PGM3: variants seen among roughly 807,000 people sequenced by gnomAD.
PGM3 encodes the protein phosphoacetylglucosamine mutase.
In PGM3, 40 loss-of-function variants were observed where a neutral mutation model predicts 66.2. The ratio of observed to expected loss-of-function variants is 0.60; its 90% CI spans 0.47 to 0.79. The LOEUF (loss-of-function observed/expected upper bound fraction) is 0.79. Among genes scored for constraint, PGM3 ranks in the 30% least tolerant of loss-of-function variants. The pLI is 0.00. For synonymous variants in PGM3, 191 were observed against 224.2 expected (o/e 0.85, Z 1.32); for missense variants, 537 against 643.4 (o/e 0.83, Z 1.79).
the PGM3 span, chr6:83,151,747 T>C: frequency 2.1e-6 from 3 of 1,458,760 alleles, no homozygotes; most frequent in African/African-American, 1.4e-5. Context: ...AACTGAAGTT[T>C]CTTTCAACTC....
Position 83,166,755 on chromosome 6 carries a change from T to C in PGM3, c.*2479A>G. On this transcript the variant is annotated 3_prime_UTR_variant, in exon 13 of 13. Coordinates refer to ENST00000513973, the MANE Select transcript of PGM3 (RefSeq NM_015599.3). ...TGAGAGCACATAGAAGAAAATAAGC[T>C]GGATTTTGCATCTGCTTGACCCACT... The C allele has an allele frequency of 9.0e-7, 1 of 1,112,538 alleles. No homozygotes were observed. Among genetic ancestry groups the C allele is most frequent in the Non-Finnish European group, 1.1e-6 (1 of 913,116 alleles). 68.9% of individuals were successfully genotyped at this position (1,112,538 alleles called of 1,614,324 possible). A position where few individuals can be genotyped will look rare whatever the true frequency, so the allele number is the denominator to read the frequency against.
Position 83,182,922 on chromosome 6 carries a change from C to T in PGM3, c.514G>A (p.Gly172Ser). 1 of 1,613,910 alleles carries T rather than the reference C, an allele frequency of 6.2e-7. No individual in the cohort carries two copies. Among genetic ancestry groups the T allele is most frequent in the East Asian group, 2.2e-5 (1 of 44,870 alleles). The change falls in exon 5 of 13, where the codon GGT becomes AGT. Residue 172 changes from glycine (G) to serine (S), a missense_variant. Gly to Ser is a moderately conservative substitution (Grantham distance 56). Transcript: ENST00000513973. ...LHYMVYCRNT[G>S]GRYGKATIEG... ...ATAGTTGCCTTTCCATATCGGCCAC[C>T]CGTGTTTCGACAATACACCATGTAG...
intron 7 of PGM3, 125 bp from the exon 8 acceptor site, chr6:83,178,881 A>C: frequency 1.5e-6 from 1 of 654,002 alleles, no homozygotes. Context: ...TTATGCCAAA[A>C]ATGTCTGACT....
At chr6:83,159,785 C>T (rs904146674), downstream of PGM3, 10 of 1,614,000 alleles carry the variant, frequency 6.2e-6, no homozygotes, top group African/African-American at 6.7e-5. Flanking sequence ...AGCACTGTCT[C>T]CTGCTTACAG....
At chr6:83,192,727 G>T (rs534870489) in intron 1 of PGM3, among the ~76,000 whole-genome samples, 2 of 151,954 alleles carry the variant, frequency 1.3e-5, no homozygotes, top group East Asian at 3.9e-4. Flanking sequence ...CAGATAATAT[G>T]AGTTCATCCT....
At position 83,166,499 on chromosome 6, in the gene PGM3, T is replaced by G. The variant is rs1000433863; in HGVS notation, c.*2735A>C. The G allele has an allele frequency of 1.4e-6, 1 of 698,024 alleles. No individual in the cohort carries two copies. Among genetic ancestry groups the G allele is most frequent in the Non-Finnish European group, 2.6e-6 (1 of 384,580 alleles). The allele number at this position is 698,024 out of a possible 1,614,324, so 43.2% of individuals were successfully genotyped here. The stretch of plus-strand genomic sequence containing the variant: ...GAACTCAGAAAATCGCTAAATTTGA[T>G]TTTTGTCTAACATCATTTCCATAGT... On this transcript the variant is annotated 3_prime_UTR_variant, in exon 13 of 13. Transcript: ENST00000513973.
rs999528930 is a variant in PGM3 at position 83,168,241 on chromosome 6, T to C, written c.*993A>G. 9 of 1,490,288 alleles carry C rather than the reference T, an allele frequency of 6.0e-6. No homozygotes were observed. The African/African-American group carries it at 7.1e-5, about 12-fold the overall frequency. 92.3% of individuals were successfully genotyped at this position (1,490,288 alleles called of 1,614,324 possible). A position where few individuals can be genotyped will look rare whatever the true frequency, so the allele number is the denominator to read the frequency against. On this transcript the variant is annotated 3_prime_UTR_variant, in exon 13 of 13. Coordinates refer to ENST00000513973, the MANE Select transcript of PGM3 (RefSeq NM_015599.3). The stretch of plus-strand genomic sequence containing the variant: ...AACACACACACTGCTCTGCGTTGTA[T>C]AGTTTTTCCTTTTTTGTATGTAACA...
rs1412660668 is a variant in PGM3 at position 83,166,039 on chromosome 6, C to T, written c.*3195G>A. On this transcript the variant is annotated 3_prime_UTR_variant, in exon 13 of 13. Transcript: ENST00000513973. ...GTCCAGCCACTGAGCTGGTCATCGC[C>T]AGTTGTCGTATAAAATCCACCTTTT... is the stretch of plus-strand genomic sequence containing the variant. The T allele has an allele frequency of 1.1e-5, 3 of 278,778 alleles. No homozygotes were observed. The highest frequency in any genetic ancestry group is 4.6e-5 in the Admixed American group (1 of 21,718). 17.3% of individuals were successfully genotyped at this position (278,778 alleles called of 1,614,324 possible).
In PGM3 at chr6:83,170,577, A is replaced by C. The variant is rs1359146298; in HGVS notation, c.1366-99T>G. The C allele has an allele frequency of 1.0e-5, 9 of 900,600 alleles. No individual in the cohort carries two copies. In the Admixed American group the frequency reaches 2.1e-4, roughly 21 times the overall value. 55.8% of individuals were successfully genotyped at this position (900,600 alleles called of 1,614,324 possible). A position where few individuals can be genotyped will look rare whatever the true frequency, so the allele number is the denominator to read the frequency against. ...CTACGAAAAGTGCCAGACTAAATAT[A>C]AAATTACATTAAAACTTCTTTCTCC... On this transcript the variant is annotated intron_variant, in intron 11 of 12. Transcript: ENST00000513973.
intron 2 of PGM3, chr6:83,190,596 T>C: frequency 1.7e-6 from 1 of 578,520 alleles, no homozygotes; most frequent in Admixed American, 3.2e-5. Context: ...CTCCAAAAAA[T>C]GACAGTATCT....
In PGM3 at chr6:83,191,292, C is replaced by T. The variant is rs1441932767; in HGVS notation, c.-2-278G>A. 6 of 1,464,644 alleles carry T rather than the reference C, an allele frequency of 4.1e-6. No homozygotes were observed. The South Asian group carries it at 4.8e-5, about 12-fold the overall frequency. 90.7% of individuals were successfully genotyped at this position (1,464,644 alleles called of 1,614,324 possible). A position where few individuals can be genotyped will look rare whatever the true frequency, so the allele number is the denominator to read the frequency against. On this transcript the variant is annotated intron_variant, in intron 1 of 12. Coordinates refer to ENST00000513973, the MANE Select transcript of PGM3 (RefSeq NM_015599.3). Reference sequence around the variant, plus strand: ...ATTTTAGCTCCAGGACTATCCTGGACGCCGGGCACACTTAAATTGGTCCAC... The same window carrying T: ...ATTTTAGCTCCAGGACTATCCTGGATGCCGGGCACACTTAAATTGGTCCAC...
chr6:83,178,709 A>C lies in PGM3; in HGVS notation c.993T>G (p.Asn331Lys). ...NIGVVQTAYA[N>K]GSSTRYLEEV... ...CTTCAAGATACCGTGTTGAACTTCC[A>C]TTTGCATATGCAGTTTGTACAACAC... Residue 331 changes from asparagine (N) to lysine (K), a missense_variant, in exon 8 of 13, where the codon AAT becomes AAG. Transcript: ENST00000513973. 6.2e-7 allele frequency: 1 copy of C among 1,607,038 alleles called. No homozygotes were observed. Among genetic ancestry groups the C allele is most frequent in the Non-Finnish European group, 8.5e-7 (1 of 1,173,762 alleles).
intron 10 of PGM3, among the ~76,000 whole-genome samples, chr6:83,172,653 C>T (rs2128485876): frequency 6.6e-6 from 1 of 151,922 alleles, no homozygotes; most frequent in East Asian, 1.9e-4. Flanking sequence ...AGCGAGACTC[C>T]ATCTCAAAAC....
At chr6:83,184,764 A>G (rs1788449698) in intron 4 of PGM3, among the ~76,000 whole-genome samples, 1 of 152,122 alleles carries the variant, frequency 6.6e-6, no homozygotes, top group Non-Finnish European at 1.5e-5. Context: ...TCTCTGTGAC[A>G]AACAGAGGGA....
chr6:83,178,828 T>A, intron 7 of PGM3, 72 bp from the exon 8 acceptor site: 2 of 896,370 alleles, frequency 2.2e-6, no homozygotes, highest in Non-Finnish European at 3.7e-6. Context: ...ATGAGAGTTC[T>A]AAAGGCTACC....
chr6:83,158,719 A>G, downstream of PGM3: 1 of 816,992 alleles, frequency 1.2e-6, no homozygotes, highest in Non-Finnish European at 1.9e-6. Flanking sequence ...TCTTTTTCTG[A>G]ATACTTATTT....
chr6:83,170,439 T>TTTCA lies in PGM3; in HGVS notation c.1401_1404dup (p.Arg469Ter). ...AATCCTGGGGGTGTAACTGCTTGTCTTTCAGCATCGGTAGTGCTAATAACT... is the reference window on the plus strand; with the variant it reads ...AATCCTGGGGGTGTAACTGCTTGTCTTTCATTCAGCATCGGTAGTGCTAATAACT... On this transcript the variant is annotated stop_gained and frameshift_variant, in exon 12 of 13. Coordinates refer to ENST00000513973, the MANE Select transcript of PGM3 (RefSeq NM_015599.3). LOFTEE classifies it high-confidence loss of function. The TTTCA allele has an allele frequency of 6.2e-7, 1 of 1,614,156 alleles. No individual in the cohort carries two copies. The highest frequency in any genetic ancestry group is 8.5e-7 in the Non-Finnish European group (1 of 1,179,984).
downstream of PGM3, among the ~76,000 whole-genome samples, chr6:83,160,308 G>C (rs1783931930): frequency 6.6e-6 from 1 of 152,220 alleles, no homozygotes; most frequent in African/African-American, 2.4e-5. Flanking sequence ...GAAGGTCAGA[G>C]CAGGCCCTGA....
Position 83,167,441 on chromosome 6 carries a change from G to A in PGM3, c.*1793C>T, listed in dbSNP as rs932604135. 6.1e-6 allele frequency: 6 copies of A among 980,714 alleles called. No individual in the cohort carries two copies. The highest frequency in any genetic ancestry group is 1.8e-5 in the African/African-American group (1 of 57,120). 60.8% of individuals were successfully genotyped at this position (980,714 alleles called of 1,614,324 possible). A position where few individuals can be genotyped will look rare whatever the true frequency, so the allele number is the denominator to read the frequency against. Reference sequence around the variant, plus strand: ...GAATTAACTAATTATAATAAAAGGGGATATATTATGAAATGTATAAAGCAC... The same window carrying A: ...GAATTAACTAATTATAATAAAAGGGAATATATTATGAAATGTATAAAGCAC... On this transcript the variant is annotated 3_prime_UTR_variant, in exon 13 of 13. Transcript: ENST00000513973.
Sources: allele counts gnomAD v4.1 joint callset (sites outside exome capture counted in the v4.1 genomes callset), GRCh38; gene constraint gnomAD v4.1.1; transcripts MANE v1.5; gene names NCBI Gene and HGNC (gene_info 2026-07-23, HGNC 2026-07-21).